Variants in FICD observed in about 807,000 individuals in gnomAD.
The protein encoded by FICD is protein adenylyltransferase FICD.
FICD carries 13 observed loss-of-function variants against 28.0 expected under a neutral mutation model. That is an observed-to-expected ratio of 0.46 (90% CI 0.30 to 0.74). The LOEUF is 0.74. FICD is among the 30% of genes least tolerant of loss of function. The pLI is 0.07. For synonymous variants in FICD, 268 were observed against 266.4 expected, an observed-to-expected ratio of 1.01 and a Z score of -0.06; for missense variants, 576 against 624.5, an observed-to-expected ratio of 0.92 and a Z score of 0.83.
At chr12:108,515,666 G>A (rs1294735382) in intron 1 of FICD, among the ~76,000 whole-genome samples, 3 of 152,110 alleles carry the variant, frequency 2.0e-5, no homozygotes, top group Non-Finnish European at 2.9e-5. Context: ...CCCTGGACCC[G>A]CGCAGCACTC....
intron 2 of FICD, 75 bp downstream of exon 2, chr12:108,517,348 G>C: frequency 8.0e-7 from 1 of 1,252,808 alleles, no homozygotes; most frequent in Non-Finnish European, 1.1e-6. Flanking sequence ...TGTCCTGTAT[G>C]TGGGGCATCG....
chr12:108,518,992 G>A lies in FICD; in HGVS notation c.894G>A (p.Leu298=). 2 of 1,614,108 alleles carry A rather than the reference G, an allele frequency of 1.2e-6. No homozygotes were observed. The highest frequency in any genetic ancestry group is 1.7e-6 in the Non-Finnish European group (2 of 1,180,018). Residue 298 remains leucine (L), a synonymous_variant, in exon 3 of 3, where the codon CTG becomes CTA. Transcript: ENST00000552695. This position sits in a 1 kb window ranked among gnomAD's most constrained non-coding sequence, Gnocchi z 4.4. ...SDVLEIHRRV[L]GYVDPVEAGR... ...TGCTGGAGATCCACAGGCGGGTGCTGGGCTACGTGGACCCCGTGGAAGCCG... is the reference window on the plus strand; with the variant it reads ...TGCTGGAGATCCACAGGCGGGTGCTAGGCTACGTGGACCCCGTGGAAGCCG...
rs1483618460 is a variant in FICD at position 108,518,319 on chromosome 12, A to G, written c.302-81A>G. 8.4e-7 allele frequency: 1 copy of G among 1,194,154 alleles called. No homozygotes were observed. Among genetic ancestry groups the G allele is most frequent in the Non-Finnish European group, 1.2e-6 (1 of 813,620 alleles). The allele number at this position is 1,194,154 out of a possible 1,614,324, so 74.0% of individuals were successfully genotyped here. On this transcript the variant is annotated intron_variant, in intron 2 of 2. Transcript: ENST00000552695. This position sits in a 1 kb window ranked among gnomAD's most constrained non-coding sequence, Gnocchi z 4.4. ...CTGGTCATCATGGTTTCCTGCGGAG[A>G]CCAGCACAGGGGACAGCCCCCCGAA... is the stretch of plus-strand genomic sequence containing the variant.
rs545925101 is a variant in FICD at position 108,519,605 on chromosome 12, A to T, written c.*130A>T. ...CTTTACCTCCAAATGTTTTAGTTTT[A>T]AAAAAAAAAAAAAACTAAGTTATGA... On this transcript the variant is annotated 3_prime_UTR_variant, in exon 3 of 3. Transcript: ENST00000552695. The surrounding 1 kb of genome is among the most constrained non-coding windows in gnomAD (Gnocchi z 4.5). The T allele has an allele frequency of 3.8e-4, 85 of 226,662 alleles. No individual in the cohort carries two copies. In the South Asian group the frequency reaches 5.3e-3, roughly 14 times the overall value. The allele number at this position is 226,662 out of a possible 1,614,324, so 14.0% of individuals were successfully genotyped here.
At position 108,518,189 on chromosome 12, in the gene FICD, A is replaced by G; in HGVS notation, c.302-211A>G. 1 of 703,190 alleles carries G rather than the reference A, an allele frequency of 1.4e-6. No homozygotes were observed. The highest frequency in any genetic ancestry group is 2.0e-5 in the Admixed American group (1 of 50,010). 43.6% of individuals were successfully genotyped at this position (703,190 alleles called of 1,614,324 possible). On this transcript the variant is annotated intron_variant, in intron 2 of 2. Transcript: ENST00000552695. The surrounding 1 kb of genome is among the most constrained non-coding windows in gnomAD (Gnocchi z 4.4). ...AGAGAGTGGCTCTGGGGACACACGG[A>G]TAGTGACTGCATACCACCACACGGC...
chr12:108,517,390 T>A, intron 2 of FICD, 117 bp downstream of exon 2: 1 of 790,758 alleles, frequency 1.3e-6, no homozygotes, highest in Non-Finnish European at 1.8e-6. Flanking sequence ...CCTGAGCTCC[T>A]AGTATAGACA....
At chr12:108,515,464 C>T (rs1271762153) in intron 1 of FICD, 103 bp downstream of exon 1, 1 of 152,360 alleles carries the variant, frequency 6.6e-6, no homozygotes, top group Non-Finnish European at 1.5e-5. Flanking sequence ...GCTCTGCAGT[C>T]TTGGAGGGGA....
intron 1 of FICD, among the ~76,000 whole-genome samples, chr12:108,515,727 G>A (rs1387964971): frequency 6.6e-6 from 1 of 152,132 alleles, no homozygotes; most frequent in Non-Finnish European, 1.5e-5. Flanking sequence ...ATGTTCTGTG[G>A]CAATGGGCCA....
At chr12:108,516,456 A>T (rs1035833367) in intron 1 of FICD, among the ~76,000 whole-genome samples, 1 of 152,232 alleles carries the variant, frequency 6.6e-6, no homozygotes, top group African/African-American at 2.4e-5. Flanking sequence ...CAGAAGCCAC[A>T]GGGATATATG....
rs201412313 is a variant in FICD at position 108,519,604 on chromosome 12, T to TAA, written c.*143_*144dup. On this transcript the variant is annotated 3_prime_UTR_variant, in exon 3 of 3. Transcript: ENST00000552695. The surrounding 1 kb of genome is among the most constrained non-coding windows in gnomAD (Gnocchi z 4.5). ...TCTTTACCTCCAAATGTTTTAGTTT[T>TAA]AAAAAAAAAAAAAAACTAAGTTATG... is the stretch of plus-strand genomic sequence containing the variant. The TAA allele has an allele frequency of 2.2e-3, 666 of 298,264 alleles. No homozygotes were observed. The highest frequency in any genetic ancestry group is 5.1e-3 in the South Asian group (95 of 18,512). The allele number at this position is 298,264 out of a possible 1,614,324, so 18.5% of individuals were successfully genotyped here.
Position 108,517,078 on chromosome 12 carries a change from T to G in FICD, c.106T>G (p.Ser36Ala), listed in dbSNP as rs760261656. Residue 36 changes from serine to alanine, a missense_variant, in exon 2 of 3, where the codon TCC (serine) becomes GCC (alanine). Coordinates refer to ENST00000552695, the MANE Select transcript of FICD (RefSeq NM_007076.3). ...GACGCTGCTGAGCATGGTGCTGGGG[T>G]CCCTGCTGGCCCTGCTGCTGCCGCT... is the stretch of plus-strand genomic sequence containing the variant. ...WVTLLSMVLGSLLALLLPLGA... is the reference protein window; with the variant it reads ...WVTLLSMVLGALLALLLPLGA... 4.3e-6 allele frequency: 7 copies of G among 1,609,832 alleles called. No homozygotes were observed. In the Admixed American group the frequency reaches 8.4e-5, roughly 19 times the overall value.
chr12:108,516,535 C>T (rs115606810), intron 1 of FICD, among the ~76,000 whole-genome samples: 3,959 of 152,274 alleles, frequency 0.026, 172 homozygotes, highest in African/African-American at 0.091. Flanking sequence ...TTGCTCCCGG[C>T]GAGACTTTCG....
Position 108,517,039 on chromosome 12 carries a change from C to T in FICD, c.67C>T (p.Arg23Cys), listed in dbSNP as rs778377849. Residue 23 changes from arginine to cysteine, a missense_variant, in exon 2 of 3, where the codon CGC (arginine) becomes TGC (cysteine). Transcript: ENST00000552695. ...TEPKWVSVWS[R>C]FLWVTLLSMV... ...ACCGAAATGGGTCTCGGTCTGGAGC[C>T]GCTTCCTCTGGGTGACGCTGCTGAG... 6 of 1,582,052 alleles carry T rather than the reference C, an allele frequency of 3.8e-6. No homozygotes were observed. Among genetic ancestry groups the T allele is most frequent in the African/African-American group, 2.7e-5 (2 of 73,872 alleles).
intron 1 of FICD, among the ~76,000 whole-genome samples, chr12:108,515,885 A>C (rs1456586379): frequency 6.6e-6 from 1 of 152,102 alleles, no homozygotes; most frequent in Non-Finnish European, 1.5e-5. Flanking sequence ...TTCCTTCCGG[A>C]TGCCTCTGTT....
rs1338787478 is a variant in FICD, at chr12:108,518,122, A to G, written c.302-278A>G. On this transcript the variant is annotated intron_variant, in intron 2 of 2. Transcript: ENST00000552695. This position sits in a 1 kb window ranked among gnomAD's most constrained non-coding sequence, Gnocchi z 4.4. ...TGCCTAGAACTTTCTATGTCCAGAA[A>G]GCAGGAGGCTAGGAAGCCAAGGAGG... 3 of 702,216 alleles carry G rather than the reference A, an allele frequency of 4.3e-6. No individual in the cohort carries two copies. The highest frequency in any genetic ancestry group is 7.8e-6 in the Non-Finnish European group (3 of 384,808). 43.5% of individuals were successfully genotyped at this position (702,216 alleles called of 1,614,324 possible). A position where few individuals can be genotyped will look rare whatever the true frequency, so the allele number is the denominator to read the frequency against.
At position 108,518,984 on chromosome 12, in the gene FICD, C is replaced by T. The variant is rs564999910; in HGVS notation, c.886C>T (p.Arg296Trp). 43 of 1,614,060 alleles carry T rather than the reference C, an allele frequency of 2.7e-5. No homozygotes were observed. The highest frequency in any genetic ancestry group is 3.1e-5 in the Non-Finnish European group (36 of 1,180,042). ...TISDVLEIHRRVLGYVDPVEA... is the reference protein window; with the variant it reads ...TISDVLEIHRWVLGYVDPVEA... ...CAGCGACGTGCTGGAGATCCACAGG[C>T]GGGTGCTGGGCTACGTGGACCCCGT... Residue 296 changes from arginine (R) to tryptophan (W), a missense_variant, in exon 3 of 3, where the codon CGG becomes TGG. Physicochemically the swap from Arg to Trp is moderately radical, Grantham distance 101. Transcript: ENST00000552695. This position sits in a 1 kb window ranked among gnomAD's most constrained non-coding sequence, Gnocchi z 4.4.
At position 108,516,920 on chromosome 12, in the gene FICD, GCTCT is replaced by G. The variant is rs1190008568; in HGVS notation, c.-47_-44del. 6.4e-6 allele frequency: 9 copies of G among 1,404,790 alleles called. No homozygotes were observed. In the Admixed American group the frequency reaches 2.0e-4, roughly 32 times the overall value. 87.0% of individuals were successfully genotyped at this position (1,404,790 alleles called of 1,614,324 possible). A position where few individuals can be genotyped will look rare whatever the true frequency, so the allele number is the denominator to read the frequency against. ...CGACTCTTGGCTCCTTGCAGATCCT[GCTCT>G]CTCTCAGCCGCCTGTGGACATGCGC... is the stretch of plus-strand genomic sequence containing the variant. On this transcript the variant is annotated 5_prime_UTR_variant, in exon 2 of 3. Coordinates refer to ENST00000552695, the MANE Select transcript of FICD (RefSeq NM_007076.3).
At position 108,518,618 on chromosome 12, in the gene FICD, G is replaced by A; in HGVS notation, c.520G>A (p.Glu174Lys). Reference sequence around the variant, plus strand: ...AGCATTGACCATCTCACCCTACCATGAGAAAGCACTGGTCAACCGCGATCG... The same window carrying A: ...AGCATTGACCATCTCACCCTACCATAAGAAAGCACTGGTCAACCGCGATCG... ...TRALTISPYHEKALVNRDRTL... is the reference protein window; with the variant it reads ...TRALTISPYHKKALVNRDRTL... The change falls in exon 3 of 3, where the codon GAG becomes AAG. Residue 174 changes from glutamate to lysine, a missense_variant. By Grantham distance (56) the Glu-to-Lys change is moderately conservative. Transcript: ENST00000552695. This position sits in a 1 kb window ranked among gnomAD's most constrained non-coding sequence, Gnocchi z 4.4. The A allele has an allele frequency of 6.2e-7, 1 of 1,614,212 alleles. No homozygotes were observed.
In FICD at chr12:108,520,091, T is replaced by TTC. The variant is rs1555203678; in HGVS notation, c.*617_*618insCT. On this transcript the variant is annotated 3_prime_UTR_variant, in exon 3 of 3. Transcript: ENST00000552695. ...CAAACTTTAGTGCCAGCAGCTGTTT[T>TTC]TTTTTTTTTTTTTTTCATATTGAGA... The TTC allele has an allele frequency of 1.3e-5, 2 of 150,888 alleles. No individual in the cohort carries two copies. The highest frequency in any genetic ancestry group is 6.6e-5 in the Admixed American group (1 of 15,156). The allele number at this position is 150,888 out of a possible 1,614,324, so 9.3% of individuals were successfully genotyped here. A position where few individuals can be genotyped will look rare whatever the true frequency, so the allele number is the denominator to read the frequency against.
Sources: gnomAD v4.1 joint callset for allele counts (sites outside exome capture counted in the v4.1 genomes callset) on GRCh38, gnomAD v4.1.1 for gene constraint, Gnocchi (gnomAD v3.1) non-coding constraint, MANE v1.5 for transcripts, NCBI Gene and HGNC (gene_info 2026-07-23, HGNC 2026-07-21) for gene names.